Variants in PARD3B observed in about 807,000 individuals in gnomAD.
The protein encoded by PARD3B is par-3 family cell polarity regulator beta, also known as partitioning defective 3 homolog B.
In PARD3B, 103 loss-of-function variants were observed where a neutral mutation model predicts 130.2. The observed-to-expected ratio is 0.79, with a 90% CI of 0.67 to 0.93. PARD3B has a LOEUF of 0.93. Among genes scored for constraint, PARD3B ranks in the 40% least tolerant of loss-of-function variants. The pLI, the probability that PARD3B is intolerant of heterozygous loss-of-function variation, is 0.00. For missense variants in PARD3B, 1,609 were observed against 1,499.2 expected (o/e 1.07, Z -1.21); for synonymous variants, 583 against 553.2 (o/e 1.05, Z -0.76).
chr2:205,318,567 A>G (rs1321029151), intron 18 of PARD3B, among the ~76,000 whole-genome samples: 1 of 152,194 alleles, frequency 6.6e-6, no homozygotes, highest in African/African-American at 2.4e-5. Flanking sequence ...TATTTTCAAT[A>G]CAGCTTCTTT....
intron 11 of PARD3B, among the ~76,000 whole-genome samples, chr2:205,171,301 C>T (rs964942051): frequency 1.5e-4 from 23 of 152,128 alleles, no homozygotes; most frequent in Non-Finnish European, 2.4e-4. Flanking sequence ...CATCTTTGCT[C>T]CTGGGCTGCC....
chr2:205,183,535 G>A lies in PARD3B; in HGVS notation c.1925-2229G>A, dbSNP rs868040871. 3.3e-5 allele frequency among the ~76,000 whole-genome samples: 5 copies of A among 152,028 alleles called. No homozygotes were observed. Among genetic ancestry groups the A allele is most frequent in the East Asian group, 1.9e-4 (1 of 5,172 alleles). On this transcript the variant is annotated intron_variant, in intron 13 of 22. Transcript: ENST00000406610. This position sits in a 1 kb window ranked among gnomAD's most constrained non-coding sequence, Gnocchi z 5.2. ...CCCCTAGGGTTGGAGGTGGTGCAGG[G>A]GCACAGTGCAGGCGCTGCCTTTGTG...
At chr2:205,214,531 C>T (rs2037815160) in intron 15 of PARD3B, among the ~76,000 whole-genome samples, 1 of 151,158 alleles carries the variant, frequency 6.6e-6, no homozygotes, top group Non-Finnish European at 1.5e-5. Context: ...ACAATTGACT[C>T]AAAATAAATT....
chr2:204,968,089 G>A (rs1411166652), intron 3 of PARD3B, among the ~76,000 whole-genome samples: 2 of 152,138 alleles, frequency 1.3e-5, no homozygotes, highest in Non-Finnish European at 2.9e-5. Context: ...TGGTACAAGA[G>A]AAATAGGGCT....
intron 2 of PARD3B, among the ~76,000 whole-genome samples, chr2:204,846,709 C>T (rs1407501298): frequency 6.6e-6 from 1 of 150,492 alleles, no homozygotes; most frequent in Non-Finnish European, 1.5e-5. Context: ...CTTCCTATAC[C>T]TGAAAGTATT....
At chr2:204,996,353 G>C (rs1375161278) in intron 3 of PARD3B, among the ~76,000 whole-genome samples, 1 of 152,102 alleles carries the variant, frequency 6.6e-6, no homozygotes, top group East Asian at 1.9e-4. Context: ...TGAGGTGTCA[G>C]TGTGCCCCTG....
At chr2:204,636,383 G>C (rs1471828249) in intron 1 of PARD3B, among the ~76,000 whole-genome samples, 2 of 151,916 alleles carry the variant, frequency 1.3e-5, no homozygotes, top group Admixed American at 6.6e-5. Flanking sequence ...TGTGCTTGGT[G>C]TTCCTAGGCT....
rs1440418254 is a variant in PARD3B, at chr2:205,037,582, T to G, written c.395-9999T>G. 2.0e-5 allele frequency among the ~76,000 whole-genome samples: 3 copies of G among 148,204 alleles called. No individual in the cohort carries two copies. In the East Asian group the frequency reaches 5.9e-4, roughly 29 times the overall value. On this transcript the variant is annotated intron_variant, in intron 3 of 22. Coordinates refer to ENST00000406610, the MANE Select transcript of PARD3B (RefSeq NM_001302769.2). ...TACAGTGGACTATATATAAGATATA[T>G]GTACAGTCGACTATATATATTTTAT...
At chr2:204,934,693 A>G (rs1441177597) in intron 2 of PARD3B, among the ~76,000 whole-genome samples, 1 of 152,170 alleles carries the variant, frequency 6.6e-6, no homozygotes, top group East Asian at 1.9e-4. Context: ...CCCTTTACAC[A>G]CTAACATGTA....
intron 2 of PARD3B, among the ~76,000 whole-genome samples, chr2:204,833,743 T>G (rs1365035404): frequency 6.6e-6 from 1 of 152,170 alleles, no homozygotes; most frequent in African/African-American, 2.4e-5. Context: ...CGTGGAACTG[T>G]GAGTCCATTA....
At chr2:205,381,144 AATATATATAAT>A (rs1559035933) in intron 18 of PARD3B, among the ~76,000 whole-genome samples, 51 of 104,610 alleles carry the variant, frequency 4.9e-4, no homozygotes, top group African/African-American at 9.5e-4. Context: ...AAGAATATAT[AATATATATAAT>A]ATATATAAAG....
intron 21 of PARD3B, among the ~76,000 whole-genome samples, chr2:205,514,945 A>C (rs2106380155): frequency 6.6e-6 from 1 of 151,430 alleles, no homozygotes. Context: ...CCAGGAGTTA[A>C]GCCCAGTACC....
intron 18 of PARD3B, among the ~76,000 whole-genome samples, chr2:205,339,571 G>C (rs530654326): frequency 1.3e-5 from 2 of 152,296 alleles, no homozygotes; most frequent in South Asian, 2.1e-4. Context: ...GTAATTTAAA[G>C]TGTTGGAGGT....
chr2:204,960,278 C>T (rs558166077), intron 2 of PARD3B, among the ~76,000 whole-genome samples: 4 of 152,210 alleles, frequency 2.6e-5, no homozygotes, highest in East Asian at 3.9e-4. Context: ...GGACAGACTG[C>T]GAACTCCACC....
Position 205,185,829 on chromosome 2 carries a change from G to A in PARD3B, c.1990G>A (p.Ala664Thr), listed in dbSNP as rs774098457. 6.2e-7 allele frequency: 1 copy of A among 1,613,922 alleles called. No homozygotes were observed. Among genetic ancestry groups the A allele is most frequent in the Non-Finnish European group, 8.5e-7 (1 of 1,179,920 alleles). ...TCCACCTTCTCCAACACCACATTCT[G>A]CTCTGGGATTGGGCCTCGAAGATTA... ...EVPPSPTPHS[A>T]LGLGLEDYSH... The change falls in exon 14 of 23, where the codon GCT (alanine) becomes ACT (threonine). Residue 664 changes from alanine to threonine, a missense_variant. Physicochemically the swap from Ala to Thr is moderately conservative, Grantham distance 58 (BLOSUM62 0). Coordinates refer to ENST00000406610, the MANE Select transcript of PARD3B (RefSeq NM_001302769.2).
At chr2:205,257,101 G>T (rs940527040) in intron 16 of PARD3B, among the ~76,000 whole-genome samples, 4 of 152,016 alleles carry the variant, frequency 2.6e-5, no homozygotes, top group African/African-American at 9.7e-5. Context: ...AATAAAAACA[G>T]ACTTATAATT....
intron 11 of PARD3B, 116 bp downstream of exon 11, chr2:205,159,023 G>T (rs537124387): frequency 7.3e-6 from 8 of 1,088,556 alleles, no homozygotes; most frequent in African/African-American, 6.4e-5. Flanking sequence ...AGACTTTCCC[G>T]CCAGATACAA....
At chr2:204,785,157 A>T (rs1043745222) in intron 2 of PARD3B, among the ~76,000 whole-genome samples, 2 of 152,224 alleles carry the variant, frequency 1.3e-5, no homozygotes. Context: ...ACATATGAAA[A>T]GAAATTATTT....
Position 205,301,806 on chromosome 2 carries a change from C to T in PARD3B, c.2630+105C>T, listed in dbSNP as rs1022195555. 1.2e-5 allele frequency: 19 copies of T among 1,531,626 alleles called. No homozygotes were observed. Among genetic ancestry groups the T allele is most frequent in the Non-Finnish European group, 5.4e-6 (6 of 1,105,076 alleles). The allele number at this position is 1,531,626 out of a possible 1,614,324, so 94.9% of individuals were successfully genotyped here. On this transcript the variant is annotated intron_variant, in intron 18 of 22. Coordinates refer to ENST00000406610, the MANE Select transcript of PARD3B (RefSeq NM_001302769.2). The surrounding 1 kb of genome is among the most constrained non-coding windows in gnomAD (Gnocchi z 5.2). ...AAAAGCGCACGCTTTTCCTCGTCTT[C>T]AGCCAAATGCATACGGCTCTCAATT... is the stretch of plus-strand genomic sequence containing the variant.
Sources: allele counts gnomAD v4.1 joint callset (sites outside exome capture counted in the v4.1 genomes callset), GRCh38; gene constraint gnomAD v4.1.1; non-coding constraint Gnocchi (gnomAD v3.1); transcripts MANE v1.5; gene names NCBI Gene and HGNC (gene_info 2026-07-23, HGNC 2026-07-21).